The following PARN variants were observed in gnomAD, a reference collection of about 807,000 sequenced individuals.
The protein encoded by PARN is poly(A)-specific ribonuclease PARN.
Under a neutral mutation model 102.8 loss-of-function variants are expected in PARN, and 71 were observed. That is an observed-to-expected ratio of 0.69 (90% CI 0.57 to 0.84). The LOEUF (loss-of-function observed/expected upper bound fraction) is 0.84. Ranked by LOEUF, PARN falls within the 40% of genes least tolerant of loss-of-function variation. The pLI, the probability that PARN is intolerant of heterozygous loss-of-function variation, is 0.00. For missense variants in PARN, 782 were observed against 760.9 expected (o/e 1.03, Z -0.33); for synonymous variants, 261 against 252.9 (o/e 1.03, Z -0.30).
intron 22 of PARN, among the ~76,000 whole-genome samples, chr16:14,456,298 T>C (rs1961675902): frequency 1.3e-5 from 2 of 151,996 alleles, no homozygotes; most frequent in Admixed American, 1.3e-4. Context: ...ACCTCCTGAG[T>C]AGCTGGGACT....
intron 21 of PARN, among the ~76,000 whole-genome samples, chr16:14,514,288 C>G (rs1405151347): frequency 6.6e-6 from 1 of 152,136 alleles, no homozygotes; most frequent in African/African-American, 2.4e-5. Flanking sequence ...AGGTTCACAC[C>G]ATTCTCCTGC....
chr16:14,587,535 T>C (rs905076408), intron 13 of PARN, among the ~76,000 whole-genome samples: 7 of 152,206 alleles, frequency 4.6e-5, no homozygotes, highest in Non-Finnish European at 8.8e-5. Flanking sequence ...GGTCTCACTA[T>C]GTTGCCCAGA....
intron 11 of PARN, among the ~76,000 whole-genome samples, chr16:14,601,040 G>A (rs758033958): frequency 1.3e-5 from 2 of 152,192 alleles, no homozygotes; most frequent in African/African-American, 2.4e-5. Context: ...GTTAAACAGT[G>A]CAGCAGCTAA....
At chr16:14,627,215 A>T (rs1244273247) in intron 4 of PARN, 28 bp from the exon 5 acceptor site, 12 of 1,567,534 alleles carry the variant, frequency 7.7e-6, no homozygotes, top group Non-Finnish European at 1.1e-5. Context: ...GAGACTTAGG[A>T]GGTGACATTG....
chr16:14,493,168 A>T (rs2151613684), intron 21 of PARN, among the ~76,000 whole-genome samples: 1 of 152,268 alleles, frequency 6.6e-6, no homozygotes, highest in Non-Finnish European at 1.5e-5. Flanking sequence ...TTTTCTCCCA[A>T]CTCTCCTGAA....
Position 14,554,055 on chromosome 16 carries a change from T to A in PARN, c.1405+10A>T. 6.3e-7 allele frequency: 1 copy of A among 1,591,476 alleles called. No individual in the cohort carries two copies. Among genetic ancestry groups the A allele is most frequent in the Middle Eastern group, 1.7e-4 (1 of 6,040 alleles). ...AAACCCTAAAAAGTACATCTGAACT[T>A]GCGACTTACCAAAGGCACTGAAAAG... On this transcript the variant is annotated intron_variant, in intron 20 of 23. Transcript: ENST00000437198.
At chr16:14,484,643 C>T (rs1963560656) in intron 21 of PARN, among the ~76,000 whole-genome samples, 1 of 152,132 alleles carries the variant, frequency 6.6e-6, no homozygotes, top group Non-Finnish European at 1.5e-5. Flanking sequence ...CTCCAGTTTA[C>T]CAGGGACCTT....
At chr16:14,629,767 A>G in intron 1 of PARN, 93 bp from the exon 2 acceptor site, 1 of 962,978 alleles carries the variant, frequency 1.0e-6, no homozygotes, top group Admixed American at 1.8e-5. Flanking sequence ...CGAGGCTGAG[A>G]GCCGGAAGGG....
At chr16:14,586,619 T>A (rs573100838) in intron 13 of PARN, among the ~76,000 whole-genome samples, 2 of 152,248 alleles carry the variant, frequency 1.3e-5, no homozygotes, top group Admixed American at 1.3e-4. Context: ...ATTTAATAGT[T>A]GAAATTGGGA....
rs541449979 is a variant in PARN, at chr16:14,587,946, TTA to T, written c.919-1587_919-1586del. Among the ~76,000 whole-genome samples, 10 of 152,354 alleles carry T rather than the reference TTA, an allele frequency of 6.6e-5. No homozygotes were observed. In the South Asian group the frequency reaches 2.1e-3, roughly 32 times the overall value. On this transcript the variant is annotated intron_variant, in intron 13 of 23. Coordinates refer to ENST00000437198, the MANE Select transcript of PARN (RefSeq NM_002582.4). Reference sequence around the variant, plus strand: ...TCATTAACTGCTTACACGCAATGTGTTATGTTACGCACTTACACAACAAAATG... The same window carrying T: ...TCATTAACTGCTTACACGCAATGTGTTGTTACGCACTTACACAACAAAATG...
At chr16:14,510,681 A>G (rs1328421915) in intron 21 of PARN, among the ~76,000 whole-genome samples, 1 of 152,220 alleles carries the variant, frequency 6.6e-6, no homozygotes, top group Admixed American at 6.5e-5. Flanking sequence ...TCCATGCCAG[A>G]GAAGTGTGTT....
intron 10 of PARN, among the ~76,000 whole-genome samples, chr16:14,606,282 T>C (rs1292267898): frequency 6.6e-6 from 1 of 151,758 alleles, no homozygotes; most frequent in Non-Finnish European, 1.5e-5. Flanking sequence ...GAGCCTGTAG[T>C]CCCAGCTTGG....
chr16:14,583,439 A>T (rs1351362430), intron 16 of PARN, among the ~76,000 whole-genome samples: 1 of 151,926 alleles, frequency 6.6e-6, no homozygotes, highest in Admixed American at 6.6e-5. Context: ...TGATGCCTTT[A>T]AAAAAAAGCC....
At chr16:14,520,798 A>G (rs1567343204) in intron 21 of PARN, among the ~76,000 whole-genome samples, 1 of 152,196 alleles carries the variant, frequency 6.6e-6, no homozygotes, top group Non-Finnish European at 1.5e-5. Context: ...GTGAGAGAGC[A>G]GGTGTTCGTA....
chr16:14,600,956 A>C (rs1303975790), intron 11 of PARN, among the ~76,000 whole-genome samples: 4 of 151,824 alleles, frequency 2.6e-5, no homozygotes, highest in Non-Finnish European at 5.9e-5. Context: ...AAACAAACAA[A>C]AAACTAACCC....
chr16:14,553,998 T>C, intron 20 of PARN, 67 bp downstream of exon 20: 1 of 960,530 alleles, frequency 1.0e-6, no homozygotes, highest in Non-Finnish European at 1.6e-6. Flanking sequence ...ACTATCTTTC[T>C]ACTTCTGACC....
At chr16:14,439,887 C>A (rs1338208228) in intron 23 of PARN, among the ~76,000 whole-genome samples, 1 of 152,038 alleles carries the variant, frequency 6.6e-6, no homozygotes, top group Admixed American at 6.6e-5. Context: ...TGGTGGCAGG[C>A]GCCTGTAATC....
chr16:14,590,938 A>G (rs978919240), intron 13 of PARN, among the ~76,000 whole-genome samples: 2 of 152,212 alleles, frequency 1.3e-5, no homozygotes, highest in African/African-American at 2.4e-5. Flanking sequence ...GGTGTCTTCC[A>G]ATCTAGAAGT....
chr16:14,621,994 A>G (rs991835078), intron 5 of PARN, among the ~76,000 whole-genome samples: 1 of 152,010 alleles, frequency 6.6e-6, no homozygotes, highest in African/African-American at 2.4e-5. Context: ...GGAATTCGTG[A>G]CCAGACTGGC....
Sources: allele counts gnomAD v4.1 joint callset (sites outside exome capture counted in the v4.1 genomes callset), GRCh38; gene constraint gnomAD v4.1.1; transcripts MANE v1.5; gene names NCBI Gene and HGNC (gene_info 2026-07-23, HGNC 2026-07-21).